PTPRT: variants seen among roughly 807,000 people sequenced by gnomAD.
The protein encoded by PTPRT is receptor-type tyrosine-protein phosphatase T.
PTPRT carries 56 observed loss-of-function variants against 176.8 expected under a neutral mutation model. That is an observed-to-expected ratio of 0.32 (90% CI 0.26 to 0.40). The LOEUF is 0.40. Ranked by LOEUF, PTPRT falls within the 10% of genes least tolerant of loss-of-function variation. PTPRT has a pLI of 1.00. For synonymous variants in PTPRT, 783 were observed against 739.0 expected (o/e 1.06, Z -0.96); for missense variants, 1,540 against 1,908.2 (o/e 0.81, Z 3.60).
intron 17 of PTPRT, among the ~76,000 whole-genome samples, chr20:42,158,105 T>C (rs1031989736): frequency 2.6e-5 from 4 of 152,236 alleles, no homozygotes; most frequent in Admixed American, 6.5e-5. Context: ...TTCCACAGAA[T>C]CAATGAATGC....
intron 1 of PTPRT, among the ~76,000 whole-genome samples, chr20:42,888,430 T>C (rs951025847): frequency 1.3e-5 from 2 of 152,182 alleles, no homozygotes; most frequent in East Asian, 3.9e-4. Context: ...ACATATACTA[T>C]CTCATTAGCT....
At chr20:42,898,395 G>A (rs991746729) in intron 1 of PTPRT, among the ~76,000 whole-genome samples, 2 of 152,082 alleles carry the variant, frequency 1.3e-5, no homozygotes, top group Admixed American at 6.5e-5. Flanking sequence ...TTTTTGTAGA[G>A]ATGGGTTCTT....
chr20:42,474,707 G>T (rs2071257309), intron 7 of PTPRT, among the ~76,000 whole-genome samples: 1 of 152,286 alleles, frequency 6.6e-6, no homozygotes, highest in African/African-American at 2.4e-5. Flanking sequence ...TCTCGCAGTT[G>T]TACCGACTGC....
intron 1 of PTPRT, among the ~76,000 whole-genome samples, chr20:43,089,073 C>A (rs1382612421): frequency 6.6e-6 from 1 of 152,138 alleles, no homozygotes; most frequent in Non-Finnish European, 1.5e-5. Context: ...TAATTGAAAG[C>A]TTATTTGAGG....
intron 2 of PTPRT, among the ~76,000 whole-genome samples, chr20:42,805,213 C>T (rs1156267788): frequency 6.6e-6 from 1 of 152,110 alleles, no homozygotes; most frequent in East Asian, 1.9e-4. Context: ...GAAAGACAGC[C>T]ACACATGTCT....
intron 15 of PTPRT, among the ~76,000 whole-genome samples, chr20:42,233,200 AG>A (rs2056171644): frequency 6.6e-6 from 1 of 152,150 alleles, no homozygotes; most frequent in Non-Finnish European, 1.5e-5. Flanking sequence ...TCTCAGAGGA[AG>A]GTTCCAAACA....
At chr20:42,093,245 C>T (rs1226615018) in intron 27 of PTPRT, among the ~76,000 whole-genome samples, 1 of 152,182 alleles carries the variant, frequency 6.6e-6, no homozygotes, top group Non-Finnish European at 1.5e-5. Context: ...CTTGTCAATG[C>T]TGTTGGATGT....
At chr20:42,532,936 A>T (rs1181057416) in intron 7 of PTPRT, among the ~76,000 whole-genome samples, 3 of 152,178 alleles carry the variant, frequency 2.0e-5, no homozygotes, top group Non-Finnish European at 4.4e-5. Flanking sequence ...TAGTTATGCA[A>T]GTCGTTTAGC....
chr20:42,836,939 G>T (rs2078191024), intron 2 of PTPRT, among the ~76,000 whole-genome samples: 1 of 152,206 alleles, frequency 6.6e-6, no homozygotes, highest in Non-Finnish European at 1.5e-5. Context: ...AAAGATTAAT[G>T]TGTCCAGTGT....
intron 7 of PTPRT, among the ~76,000 whole-genome samples, chr20:42,617,749 G>C (rs1428937798): frequency 7.2e-6 from 1 of 139,340 alleles, no homozygotes; most frequent in Non-Finnish European, 1.5e-5. Flanking sequence ...AGTACTCTCT[G>C]ATAGTAGTTT....
At chr20:42,613,206 T>C (rs1227108483) in intron 7 of PTPRT, among the ~76,000 whole-genome samples, 2 of 152,228 alleles carry the variant, frequency 1.3e-5, no homozygotes, top group African/African-American at 4.8e-5. Context: ...TACAGCCCAA[T>C]GGCTTTCTGG....
intron 17 of PTPRT, among the ~76,000 whole-genome samples, chr20:42,152,100 C>T (rs537281355): frequency 1.6e-4 from 25 of 152,280 alleles, no homozygotes; most frequent in Admixed American, 1.0e-3. Context: ...ACCATGCATA[C>T]GGCAGAAATT....
chr20:42,913,339 C>A (rs535203727), intron 1 of PTPRT, among the ~76,000 whole-genome samples: 1 of 152,172 alleles, frequency 6.6e-6, no homozygotes, highest in Non-Finnish European at 1.5e-5. Context: ...CCATGTCTCT[C>A]CCCTGGCTTT....
At chr20:42,204,084 C>T (rs920791954) in intron 15 of PTPRT, among the ~76,000 whole-genome samples, 1 of 152,184 alleles carries the variant, frequency 6.6e-6, no homozygotes, top group Non-Finnish European at 1.5e-5. Flanking sequence ...ACACAAATTA[C>T]AACCACTTTA....
chr20:42,122,373 CAG>C (rs1340868833), intron 19 of PTPRT, among the ~76,000 whole-genome samples: 1 of 152,142 alleles, frequency 6.6e-6, no homozygotes, highest in Non-Finnish European at 1.5e-5. Context: ...GCAGGCCTCT[CAG>C]GGGACACTGG....
At chr20:42,360,830 C>T (rs1319899567) in intron 9 of PTPRT, among the ~76,000 whole-genome samples, 1 of 152,200 alleles carries the variant, frequency 6.6e-6, no homozygotes, top group East Asian at 1.9e-4. Flanking sequence ...CTGGCAGACA[C>T]CGCCTGGAAC....
intron 7 of PTPRT, among the ~76,000 whole-genome samples, chr20:42,484,788 G>A (rs1291813326): frequency 6.6e-6 from 1 of 152,194 alleles, no homozygotes; most frequent in Non-Finnish European, 1.5e-5. Flanking sequence ...GACCTTGACT[G>A]ATGCAGGACC....
chr20:42,174,376 TATAG>T (rs1990199161), intron 16 of PTPRT, among the ~76,000 whole-genome samples: 1 of 152,078 alleles, frequency 6.6e-6, no homozygotes, highest in Admixed American at 6.6e-5. Flanking sequence ...GGATCTGAGT[TATAG>T]ATAAAGGGAT....
intron 6 of PTPRT, among the ~76,000 whole-genome samples, chr20:42,711,094 C>A (rs533460972): frequency 6.6e-6 from 1 of 152,248 alleles, no homozygotes; most frequent in Non-Finnish European, 1.5e-5. Flanking sequence ...AAATAAATAA[C>A]TTGTTTTTGG....
Sources: gnomAD v4.1 joint callset for allele counts (sites outside exome capture counted in the v4.1 genomes callset) on GRCh38, gnomAD v4.1.1 for gene constraint, MANE v1.5 for transcripts, NCBI Gene and HGNC (gene_info 2026-07-23, HGNC 2026-07-21) for gene names.